CDK14: variants seen among roughly 807,000 people sequenced by gnomAD.
CDK14 encodes cyclin dependent kinase 14.
A neutral mutation model predicts 60.7 loss-of-function variants in CDK14; 34 were observed. The ratio of observed to expected loss-of-function variants is 0.56; its 90% CI spans 0.43 to 0.75. The LOEUF is 0.75. Ranked by LOEUF, CDK14 falls within the 30% of genes least tolerant of loss-of-function variation. The pLI is 0.00. For missense variants in CDK14, 482 were observed against 564.1 expected, an observed-to-expected ratio of 0.85 and a Z score of 1.47; for synonymous variants, 197 against 203.7, an observed-to-expected ratio of 0.97 and a Z score of 0.28.
At chr7:90,633,671 C>G (rs1800058261) in intron 2 of CDK14, among the ~76,000 whole-genome samples, 1 of 152,164 alleles carries the variant, frequency 6.6e-6, no homozygotes, top group African/African-American at 2.4e-5. Flanking sequence ...GAGCATTATT[C>G]ATATGTCATA....
chr7:90,695,304 T>C (rs1563047516), intron 2 of CDK14, among the ~76,000 whole-genome samples: 1 of 152,308 alleles, frequency 6.6e-6, no homozygotes, highest in East Asian at 1.9e-4. Context: ...GTCCTAAAAA[T>C]ATAACTTGAA....
chr7:91,202,188 A>G (rs747252170), intron 14 of CDK14, among the ~76,000 whole-genome samples: 1 of 152,204 alleles, frequency 6.6e-6, no homozygotes, highest in Non-Finnish European at 1.5e-5. Context: ...CATAGGGCAC[A>G]TGGGTCAGAA....
intron 2 of CDK14, among the ~76,000 whole-genome samples, chr7:90,605,509 C>T (rs1273988750): frequency 3.9e-5 from 6 of 152,124 alleles, no homozygotes; most frequent in Non-Finnish European, 7.4e-5. Context: ...TCTGGAATTT[C>T]GGTAGTGTTG....
At chr7:90,921,365 C>T (rs866229071) in intron 8 of CDK14, among the ~76,000 whole-genome samples, 1 of 152,042 alleles carries the variant, frequency 6.6e-6, no homozygotes, top group Non-Finnish European at 1.5e-5. Context: ...AAAGGGGCCC[C>T]CTTTCTGAAA....
At position 90,899,293 on chromosome 7, in the gene CDK14, C is replaced by T. The variant is rs1486592093; in HGVS notation, c.642C>T (p.His214=). The stretch of plus-strand genomic sequence containing the variant: ...ACATTTTTCCTTTTCTTTTCTAGCA[C>T]ACTGATTTATGTCAGTACATGGACA... The part of the protein sequence containing the change: ...ETLTLVFEYV[H]TDLCQYMDKH... Residue 214 remains histidine, a splice_region_variant and synonymous_variant, in exon 7 of 15, where the codon CAC becomes CAT. Coordinates refer to ENST00000380050, the MANE Select transcript of CDK14 (RefSeq NM_001287135.2). The T allele has an allele frequency of 1.3e-6, 2 of 1,599,268 alleles. No homozygotes were observed. The highest frequency in any genetic ancestry group is 1.3e-5 in the African/African-American group (1 of 74,098).
chr7:90,955,587 T>G, intron 8 of CDK14, 110 bp from the exon 9 acceptor site: 1 of 1,214,588 alleles, frequency 8.2e-7, no homozygotes, highest in Non-Finnish European at 1.2e-6. Context: ...GCACTCCTGA[T>G]TCTGTATTAA....
At chr7:90,615,466 G>C (rs1563016699) in intron 2 of CDK14, among the ~76,000 whole-genome samples, 2 of 152,182 alleles carry the variant, frequency 1.3e-5, no homozygotes, top group East Asian at 1.9e-4. Flanking sequence ...TAGTCTAGCA[G>C]ATCTCGAACA....
intron 5 of CDK14, among the ~76,000 whole-genome samples, chr7:90,841,519 A>G (rs892367177): frequency 6.6e-6 from 1 of 152,096 alleles, no homozygotes; most frequent in Non-Finnish European, 1.5e-5. Flanking sequence ...TGGGGTGGTA[A>G]CTAAACATGT....
intron 14 of CDK14, among the ~76,000 whole-genome samples, chr7:91,157,382 G>C (rs1022959403): frequency 6.6e-6 from 1 of 152,164 alleles, no homozygotes; most frequent in African/African-American, 2.4e-5. Context: ...CTTGCTAACT[G>C]TGTGTCCATG....
At chr7:91,093,441 G>T (rs939111880) in intron 12 of CDK14, among the ~76,000 whole-genome samples, 71 of 152,202 alleles carry the variant, frequency 4.7e-4, no homozygotes, top group African/African-American at 1.6e-3. Context: ...CTGAAGGGGA[G>T]ATTGGCAAAG....
At chr7:90,960,604 G>A (rs1794575268) in intron 9 of CDK14, among the ~76,000 whole-genome samples, 1 of 152,136 alleles carries the variant, frequency 6.6e-6, no homozygotes, top group African/African-American at 2.4e-5. Flanking sequence ...TTTCGCATAT[G>A]TTAGAAAAGA....
intron 2 of CDK14, among the ~76,000 whole-genome samples, chr7:90,724,191 G>T (rs1802550870): frequency 6.6e-6 from 1 of 150,870 alleles, no homozygotes; most frequent in African/African-American, 2.4e-5. Context: ...TCAAATAATT[G>T]GTTTCATCTA....
At position 90,682,188 on chromosome 7, in the gene CDK14, A is replaced by G. The variant is rs374821547; in HGVS notation, c.124-44379A>G. Among the ~76,000 whole-genome samples the G allele has an allele frequency of 2.6e-5, 4 of 152,082 alleles. No homozygotes were observed. In the East Asian group the frequency reaches 5.8e-4, roughly 22 times the overall value. On this transcript the variant is annotated intron_variant, in intron 2 of 14. Transcript: ENST00000380050. ...GAATATTAAAGTTTACCTTTTCACT[A>G]TCTAGTAAGAACGTATCCAGTAAAC...
At chr7:90,856,459 C>T (rs1006558442) in intron 5 of CDK14, among the ~76,000 whole-genome samples, 14 of 152,006 alleles carry the variant, frequency 9.2e-5, no homozygotes, top group African/African-American at 3.4e-4. Flanking sequence ...CCAGATTGAT[C>T]ACAGTCACAG....
chr7:90,997,066 C>T (rs896924851), intron 10 of CDK14, among the ~76,000 whole-genome samples: 3 of 152,104 alleles, frequency 2.0e-5, no homozygotes, highest in African/African-American at 7.2e-5. Context: ...ATGAAATGTT[C>T]CCCCTCACCA....
intron 4 of CDK14, among the ~76,000 whole-genome samples, chr7:90,757,396 GTTAGAAC>G (rs1804123566): frequency 6.6e-6 from 1 of 151,958 alleles, no homozygotes; most frequent in South Asian, 2.1e-4. Flanking sequence ...GGTGCTTGGG[GTTAGAAC>G]TTCAACATAT....
At chr7:90,812,362 C>G (rs937725205) in intron 5 of CDK14, among the ~76,000 whole-genome samples, 1 of 151,844 alleles carries the variant, frequency 6.6e-6, no homozygotes, top group Non-Finnish European at 1.5e-5. Flanking sequence ...CAAACTATCG[C>G]AAGGACAAAA....
chr7:90,664,803 G>C lies in CDK14; in HGVS notation c.123+60554G>C, dbSNP rs575830359. On this transcript the variant is annotated intron_variant, in intron 2 of 14. Transcript: ENST00000380050. ...GGGGACTGTTGTGGGGTGGGGGGAA[G>C]GGGGAGGGATAGCATTAGGAGATAT... Among the ~76,000 whole-genome samples the C allele has an allele frequency of 4.8e-5, 7 of 145,622 alleles. No homozygotes were observed. The East Asian group carries it at 1.4e-3, about 29-fold the overall frequency.
In CDK14 at chr7:90,999,711, C is replaced by T. The variant is rs1278353511; in HGVS notation, c.1041+15470C>T. Among the ~76,000 whole-genome samples the T allele has an allele frequency of 2.6e-5, 4 of 152,142 alleles. No individual in the cohort carries two copies. In the East Asian group the frequency reaches 5.8e-4, roughly 22 times the overall value. On this transcript the variant is annotated intron_variant, in intron 10 of 14. Coordinates refer to ENST00000380050, the MANE Select transcript of CDK14 (RefSeq NM_001287135.2). The stretch of plus-strand genomic sequence containing the variant: ...ATGAATTGGTTAAAATGGCAGCATT[C>T]GCTTATTTGAGCAGAGCTGTGTCAA...
Sources: gnomAD v4.1 joint callset for allele counts (sites outside exome capture counted in the v4.1 genomes callset) on GRCh38, gnomAD v4.1.1 for gene constraint, MANE v1.5 for transcripts, NCBI Gene and HGNC (gene_info 2026-07-23, HGNC 2026-07-21) for gene names.